The following ARFGEF3 variants were observed in gnomAD, a reference collection of about 807,000 sequenced individuals.
The protein encoded by ARFGEF3 is brefeldin A-inhibited guanine nucleotide-exchange protein 3.
A neutral mutation model predicts 221.7 loss-of-function variants in ARFGEF3; 96 were observed. The ratio of observed to expected loss-of-function variants is 0.43; its 90% CI spans 0.37 to 0.51. The LOEUF (loss-of-function observed/expected upper bound fraction) is 0.51. Ranked by LOEUF, ARFGEF3 falls within the 20% of genes least tolerant of loss-of-function variation. The pLI is 0.00. For synonymous variants in ARFGEF3, 1,145 were observed against 1,126.8 expected (o/e 1.02, Z -0.32); for missense variants, 2,410 against 2,789.9 (o/e 0.86, Z 3.07).
Position 138,334,739 on chromosome 6 carries a change from G to A in ARFGEF3, c.5893G>A (p.Asp1965Asn). ...TGGGAAAGAAACCCCTTCCGAGGAT[G>A]ACAGAAGCCAGTCCCGGGAGCACAT... ...FSGKETPSED[D>N]RSQSREHMGE... The change falls in exon 33 of 34, where the codon GAC becomes AAC. Residue 1965 changes from aspartate (D) to asparagine (N), a missense_variant. Coordinates refer to ENST00000251691, the MANE Select transcript of ARFGEF3 (RefSeq NM_020340.5). This position sits in a 1 kb window ranked among gnomAD's most constrained non-coding sequence, Gnocchi z 5.1. 5.6e-6 allele frequency: 9 copies of A among 1,609,522 alleles called. No homozygotes were observed. Among genetic ancestry groups the A allele is most frequent in the Non-Finnish European group, 7.6e-6 (9 of 1,177,102 alleles).
At chr6:138,318,549 A>C (rs1779966747) in intron 27 of ARFGEF3, among the ~76,000 whole-genome samples, 1 of 152,252 alleles carries the variant, frequency 6.6e-6, no homozygotes, top group African/African-American at 2.4e-5. Flanking sequence ...ACAAAGCATT[A>C]TGTTAAAATG....
chr6:138,325,566 G>A (rs1279825518), intron 31 of ARFGEF3, among the ~76,000 whole-genome samples: 1 of 152,230 alleles, frequency 6.6e-6, no homozygotes, highest in Non-Finnish European at 1.5e-5. Flanking sequence ...CTAGCAGCAT[G>A]GCAGTTGGAG....
intron 22 of ARFGEF3, among the ~76,000 whole-genome samples, chr6:138,299,032 T>C (rs1455807963): frequency 1.3e-5 from 2 of 151,830 alleles, no homozygotes; most frequent in Non-Finnish European, 2.9e-5. Context: ...ACCCCGTCTC[T>C]ACTAAAAATA....
At chr6:138,202,564 C>T (rs1290541289) in intron 2 of ARFGEF3, among the ~76,000 whole-genome samples, 1 of 151,928 alleles carries the variant, frequency 6.6e-6, no homozygotes, top group Non-Finnish European at 1.5e-5. Context: ...TTATTATGGC[C>T]CTGCTGCCAA....
chr6:138,263,513 T>C lies in ARFGEF3; in HGVS notation c.2030T>C (p.Ile677Thr). ...EADQHSARLF[I>T]QSLEGLLPRL... ...GATCAGCACAGCGCCAGGCTGTTCA[T>C]ACAGTCCCTGGAAGGCCTCCTCCCT... The change falls in exon 12 of 34, where the codon ATA becomes ACA. Residue 677 changes from isoleucine (I) to threonine (T), a missense_variant. Physicochemically the swap from Ile to Thr is moderately conservative, Grantham distance 89. This residue lies in a region of ARFGEF3 where 594 missense variants were observed against 734.3 expected (regional missense o/e 0.81). Coordinates refer to ENST00000251691, the MANE Select transcript of ARFGEF3 (RefSeq NM_020340.5). 1 of 1,613,750 alleles carries C rather than the reference T, an allele frequency of 6.2e-7. No homozygotes were observed. Among genetic ancestry groups the C allele is most frequent in the Non-Finnish European group, 8.5e-7 (1 of 1,179,868 alleles).
At chr6:138,277,355 T>C (rs988802239) in intron 12 of ARFGEF3, among the ~76,000 whole-genome samples, 9 of 152,250 alleles carry the variant, frequency 5.9e-5, no homozygotes, top group Non-Finnish European at 1.3e-4. Flanking sequence ...CACAATTTGC[T>C]TATCCATTCA....
At chr6:138,246,641 G>T (rs1778491112) in intron 8 of ARFGEF3, among the ~76,000 whole-genome samples, 1 of 152,128 alleles carries the variant, frequency 6.6e-6, no homozygotes, top group South Asian at 2.1e-4. Context: ...TCTCTTTATT[G>T]AGGCACTTCA....
intron 2 of ARFGEF3, among the ~76,000 whole-genome samples, chr6:138,177,614 G>A (rs1776980889): frequency 6.6e-6 from 1 of 152,098 alleles, no homozygotes; most frequent in Admixed American, 6.5e-5. Context: ...CTGATAATTT[G>A]TAAGTTTGAT....
intron 2 of ARFGEF3, among the ~76,000 whole-genome samples, chr6:138,206,102 G>C (rs1562352802): frequency 6.6e-6 from 1 of 152,192 alleles, no homozygotes; most frequent in Non-Finnish European, 1.5e-5. Context: ...AGATAAGAGT[G>C]GGCCTACTCT....
intron 4 of ARFGEF3, chr6:138,217,726 A>G (rs1029413962): frequency 3.8e-5 from 15 of 394,184 alleles, no homozygotes; most frequent in African/African-American, 3.2e-4. Flanking sequence ...CACATGTGGT[A>G]GTTTTTAATG....
intron 2 of ARFGEF3, among the ~76,000 whole-genome samples, chr6:138,192,206 G>A (rs866740019): frequency 2.0e-5 from 3 of 152,042 alleles, no homozygotes; most frequent in South Asian, 2.1e-4. Flanking sequence ...TCAGCTGTCG[G>A]GGCCAGGCAA....
In ARFGEF3 at chr6:138,287,906, T is replaced by C. The variant is rs201294016; in HGVS notation, c.2896+722T>C. 8.6e-4 allele frequency among the ~76,000 whole-genome samples: 131 copies of C among 152,210 alleles called. 1 individual carries two copies. Among genetic ancestry groups the C allele is most frequent in the South Asian group, 1.5e-3 (7 of 4,814 alleles). On this transcript the variant is annotated intron_variant, in intron 17 of 33. Coordinates refer to ENST00000251691, the MANE Select transcript of ARFGEF3 (RefSeq NM_020340.5). ...CCGTGTTTCTCAGACTTGAATAAAA[T>C]TTAGAGACCCATTTGAAAACAAAAT...
intron 32 of ARFGEF3, among the ~76,000 whole-genome samples, chr6:138,332,645 T>C (rs1355453195): frequency 1.3e-5 from 2 of 152,138 alleles, no homozygotes; most frequent in Non-Finnish European, 1.5e-5. Context: ...ACCAAGTAAG[T>C]TTCTGTTAAA....
intron 2 of ARFGEF3, among the ~76,000 whole-genome samples, chr6:138,184,737 T>G (rs977213551): frequency 6.6e-6 from 1 of 152,232 alleles, no homozygotes; most frequent in Non-Finnish European, 1.5e-5. Context: ...CAGTGTGTTC[T>G]GTTTCCATTT....
At chr6:138,264,277 A>G (rs1348733113) in intron 12 of ARFGEF3, among the ~76,000 whole-genome samples, 2 of 152,248 alleles carry the variant, frequency 1.3e-5, no homozygotes, top group Non-Finnish European at 2.9e-5. Context: ...AAGCAGATAA[A>G]GAATACAGGG....
intron 5 of ARFGEF3, among the ~76,000 whole-genome samples, chr6:138,231,752 G>A (rs1778196651): frequency 6.6e-6 from 1 of 152,158 alleles, no homozygotes; most frequent in Non-Finnish European, 1.5e-5. Context: ...CATGAATAGT[G>A]TTTATCCTGA....
chr6:138,293,750 C>T (rs968167763), intron 19 of ARFGEF3, among the ~76,000 whole-genome samples: 1 of 152,166 alleles, frequency 6.6e-6, no homozygotes, highest in African/African-American at 2.4e-5. Context: ...CCTACCATAG[C>T]GGAGCTAGAC....
intron 12 of ARFGEF3, among the ~76,000 whole-genome samples, chr6:138,268,864 A>G (rs756370820): frequency 1.3e-5 from 2 of 152,234 alleles, no homozygotes; most frequent in South Asian, 2.1e-4. Flanking sequence ...TTCCTAAAAG[A>G]TAGTGTAGCA....
In ARFGEF3 at chr6:138,280,022, G is replaced by A; in HGVS notation, c.2319G>A (p.Gln773=). 1.2e-6 allele frequency: 2 copies of A among 1,613,950 alleles called. No homozygotes were observed. Among genetic ancestry groups the A allele is most frequent in the Middle Eastern group, 1.6e-4 (1 of 6,062 alleles). Residue 773 remains glutamine (Q), a synonymous_variant, in exon 14 of 34, where the codon CAG becomes CAA. Transcript: ENST00000251691. ...AGAAGGACTTCATGAAGCAGGTGCAGACCAGCGGCGTGCTGATGGTCTTCT... is the reference window on the plus strand; with the variant it reads ...AGAAGGACTTCATGAAGCAGGTGCAAACCAGCGGCGTGCTGATGGTCTTCT... The part of the protein sequence containing the change: ...GVMKDFMKQV[Q]TSGVLMVFSQ...
Sources: gnomAD v4.1 joint callset for allele counts (sites outside exome capture counted in the v4.1 genomes callset) on GRCh38, gnomAD v4.1.1 for gene constraint, gnomAD v4.1.1 regional missense constraint, Gnocchi (gnomAD v3.1) non-coding constraint, MANE v1.5 for transcripts, NCBI Gene and HGNC (gene_info 2026-07-23, HGNC 2026-07-21) for gene names.